MDGA2: variants seen among roughly 807,000 people sequenced by gnomAD.
MDGA2 encodes MAM domain-containing glycosylphosphatidylinositol anchor protein 2.
A neutral mutation model predicts 117.8 loss-of-function variants in MDGA2; 40 were observed. That is an observed-to-expected ratio of 0.34 (90% CI 0.26 to 0.44). The LOEUF is 0.44. MDGA2 is among the 20% of genes least tolerant of loss of function. The probability of loss-of-function intolerance (pLI) is 1.00; values close to 1 mark genes in which losing one functional copy is unlikely to be tolerated. For synonymous variants in MDGA2, 452 were observed against 439.0 expected (o/e 1.03, Z -0.37); for missense variants, 1,123 against 1,250.6 (o/e 0.90, Z 1.54).
chr14:47,431,841 A>G (rs1435114291), intron 1 of MDGA2, among the ~76,000 whole-genome samples: 3 of 152,056 alleles, frequency 2.0e-5, no homozygotes. Flanking sequence ...TTCAGTAAAG[A>G]GTCTAAAAAG....
intron 3 of MDGA2, among the ~76,000 whole-genome samples, chr14:47,162,476 A>C (rs1157981099): frequency 1.3e-5 from 2 of 152,176 alleles, no homozygotes; most frequent in Non-Finnish European, 2.9e-5. Context: ...GAAATCAAAT[A>C]TAAGAACTCT....
intron 3 of MDGA2, among the ~76,000 whole-genome samples, chr14:47,164,050 C>A (rs1203597583): frequency 1.3e-5 from 2 of 152,140 alleles, no homozygotes; most frequent in Non-Finnish European, 2.9e-5. Flanking sequence ...CTATAAAGTT[C>A]ACTTTTACTT....
At chr14:47,560,062 T>C (rs1194064041) in intron 1 of MDGA2, among the ~76,000 whole-genome samples, 1 of 151,516 alleles carries the variant, frequency 6.6e-6, no homozygotes, top group Non-Finnish European at 1.5e-5. Context: ...CTGGCATCTG[T>C]TATCTTAGGA....
At chr14:46,870,198 A>G (rs1434366392) in intron 14 of MDGA2, among the ~76,000 whole-genome samples, 1 of 152,000 alleles carries the variant, frequency 6.6e-6, no homozygotes, top group Non-Finnish European at 1.5e-5. Flanking sequence ...CTCTTTTCTT[A>G]GTAGGGTATT....
intron 1 of MDGA2, among the ~76,000 whole-genome samples, chr14:47,410,935 T>C (rs1301349822): frequency 6.6e-6 from 1 of 152,176 alleles, no homozygotes; most frequent in African/African-American, 2.4e-5. Context: ...CTCAAATACT[T>C]TTCTAATTCA....
chr14:46,842,135 A>G (rs949193315), intron 16 of MDGA2, 116 bp from the exon 17 acceptor site: 1 of 620,452 alleles, frequency 1.6e-6, no homozygotes, highest in African/African-American at 1.9e-5. Context: ...ATTTCTGGAA[A>G]ATATTTATTT....
intron 1 of MDGA2, among the ~76,000 whole-genome samples, chr14:47,617,768 T>C (rs1896973527): frequency 6.6e-6 from 1 of 152,182 alleles, no homozygotes; most frequent in Admixed American, 6.5e-5. Context: ...CTATAGCATA[T>C]TATGTGCAAA....
At chr14:46,931,525 C>CTTTTTTTT (rs34478677) in intron 9 of MDGA2, among the ~76,000 whole-genome samples, 3 of 128,924 alleles carry the variant, frequency 2.3e-5, no homozygotes, top group African/African-American at 5.9e-5. Context: ...TTTATTTTTG[C>CTTTTTTTT]TTTTTTTTTT....
chr14:47,404,386 A>G (rs1036254120), intron 1 of MDGA2, among the ~76,000 whole-genome samples: 12 of 151,970 alleles, frequency 7.9e-5, no homozygotes, highest in African/African-American at 2.7e-4. Context: ...GGGTTTCACC[A>G]TGTTGGCCAG....
intron 2 of MDGA2, among the ~76,000 whole-genome samples, chr14:47,236,511 G>C (rs1381102348): frequency 1.3e-5 from 2 of 151,990 alleles, no homozygotes; most frequent in Admixed American, 1.3e-4. Context: ...TGCTTTCTTC[G>C]AATGACCTTT....
chr14:47,387,401 C>T (rs1043504978), intron 1 of MDGA2, among the ~76,000 whole-genome samples: 10 of 150,876 alleles, frequency 6.6e-5, no homozygotes, highest in Non-Finnish European at 1.2e-4. Context: ...GACCCTATCA[C>T]GCACTCGGAT....
In MDGA2 at chr14:47,175,329, G is replaced by T. The variant is rs973338988; in HGVS notation, c.596-31055C>A. 1.1e-4 allele frequency among the ~76,000 whole-genome samples: 16 copies of T among 151,568 alleles called. 1 individual carries two copies. The highest frequency in any genetic ancestry group is 2.1e-4 in the Non-Finnish European group (14 of 67,954). ...CCAGCATCATCCTGATACCAAAGCC[G>T]GGCAGAGACACAACCAAAAAAGAGA... is the stretch of plus-strand genomic sequence containing the variant. On this transcript the variant is annotated intron_variant, in intron 3 of 16. Coordinates refer to ENST00000399232, the MANE Select transcript of MDGA2 (RefSeq NM_001113498.3).
chr14:47,361,207 C>CTCTCTCTCTCTA (rs61280975), intron 1 of MDGA2, among the ~76,000 whole-genome samples: 2 of 140,496 alleles, frequency 1.4e-5, no homozygotes, highest in Admixed American at 7.0e-5. Context: ...CTCTCTCTCT[C>CTCTCTCTCTCTA]TATATATATA....
intron 7 of MDGA2, among the ~76,000 whole-genome samples, chr14:47,057,778 A>G (rs1889740392): frequency 6.7e-6 from 1 of 150,236 alleles, no homozygotes; most frequent in Non-Finnish European, 1.5e-5. Context: ...TTTTTGAGAC[A>G]GAGTCTTGGT....
chr14:47,482,665 T>G (rs1893978277), intron 1 of MDGA2, among the ~76,000 whole-genome samples: 1 of 152,082 alleles, frequency 6.6e-6, no homozygotes, highest in South Asian at 2.1e-4. Context: ...CCTTCTTCAT[T>G]CATTCATTTA....
intron 1 of MDGA2, among the ~76,000 whole-genome samples, chr14:47,556,882 G>A (rs973006214): frequency 6.6e-6 from 1 of 152,090 alleles, no homozygotes; most frequent in Non-Finnish European, 1.5e-5. Context: ...TAAAATTTCT[G>A]CATTAAAAAA....
chr14:47,284,847 T>C (rs1000079272), intron 2 of MDGA2, among the ~76,000 whole-genome samples: 4 of 152,268 alleles, frequency 2.6e-5, no homozygotes, highest in East Asian at 1.9e-4. Flanking sequence ...TGTCTGCCTG[T>C]ACCTAGGCAG....
Position 47,109,920 on chromosome 14 carries a change from T to C in MDGA2, c.926-12797A>G, listed in dbSNP as rs551787024. ...GAGATTGTGCCACTGCACTCCAGCC[T>C]AGGGAGACAGCGAGACTTTGTTTCA... On this transcript the variant is annotated intron_variant, in intron 5 of 16. Transcript: ENST00000399232. Among the ~76,000 whole-genome samples, 5 of 152,186 alleles carry C rather than the reference T, an allele frequency of 3.3e-5. No individual in the cohort carries two copies. In the East Asian group the frequency reaches 9.7e-4, roughly 30 times the overall value.
chr14:47,018,733 G>GAAAAAAAAAAAA (rs60442845), intron 8 of MDGA2, among the ~76,000 whole-genome samples: 29 of 38,654 alleles, frequency 7.5e-4, no homozygotes, highest in African/African-American at 2.5e-3. Context: ...CCATTTTACT[G>GAAAAAAAAAAAA]AAAAAAAAAA....
Sources: allele counts gnomAD v4.1 joint callset (sites outside exome capture counted in the v4.1 genomes callset), GRCh38; gene constraint gnomAD v4.1.1; transcripts MANE v1.5; gene names NCBI Gene and HGNC (gene_info 2026-07-23, HGNC 2026-07-21).